Variants in DNAJC10 observed in about 807,000 individuals in gnomAD.
DNAJC10 encodes the protein endoplasmic reticulum disulfide reductase DNAJC10.
A neutral mutation model predicts 115.0 loss-of-function variants in DNAJC10; 101 were observed. The ratio of observed to expected loss-of-function variants is 0.88; its 90% CI spans 0.75 to 1.04. DNAJC10 has a LOEUF of 1.04. DNAJC10 is among the 50% of genes least tolerant of loss of function. DNAJC10 has a pLI of 0.00. For synonymous variants in DNAJC10, 307 were observed against 301.5 expected, an observed-to-expected ratio of 1.02 and a Z score of -0.19; for missense variants, 981 against 928.8, an observed-to-expected ratio of 1.06 and a Z score of -0.73.
chr2:182,735,101 T>G (rs1182587398), intron 10 of DNAJC10, among the ~76,000 whole-genome samples: 1 of 151,786 alleles, frequency 6.6e-6, no homozygotes, highest in Non-Finnish European at 1.5e-5. Context: ...TTATAGTCCT[T>G]TTTTCTTTCC....
intron 14 of DNAJC10, among the ~76,000 whole-genome samples, chr2:182,748,566 T>C (rs1226216958): frequency 5.9e-5 from 9 of 152,046 alleles, no homozygotes; most frequent in African/African-American, 1.2e-4. Context: ...TCTGTGGGAT[T>C]GGTGGTGATA....
chr2:182,723,921 G>C (rs191842060), intron 5 of DNAJC10, among the ~76,000 whole-genome samples: 3 of 152,276 alleles, frequency 2.0e-5, no homozygotes, highest in African/African-American at 7.2e-5. Flanking sequence ...TTGATGAGAG[G>C]AATGAGCAGG....
chr2:182,738,408 G>A (rs1267707212), intron 11 of DNAJC10, among the ~76,000 whole-genome samples: 3 of 152,072 alleles, frequency 2.0e-5, no homozygotes. Context: ...TATAATCTCT[G>A]GGCTTCATGA....
chr2:182,731,143 A>T, intron 9 of DNAJC10, 36 bp downstream of exon 9: 1 of 1,506,068 alleles, frequency 6.6e-7, no homozygotes, highest in South Asian at 1.2e-5. Flanking sequence ...GAATGAGAAC[A>T]TGACATTTAA....
chr2:182,758,724 A>G (rs1471968041), intron 19 of DNAJC10, 113 bp from the exon 20 acceptor site: 1 of 736,356 alleles, frequency 1.4e-6, no homozygotes, highest in Non-Finnish European at 2.3e-6. Flanking sequence ...GAGAGATACC[A>G]GATGAAATCA....
At chr2:182,767,374 C>G (rs1311498215) in intron 22 of DNAJC10, among the ~76,000 whole-genome samples, 1 of 151,486 alleles carries the variant, frequency 6.6e-6, no homozygotes, top group African/African-American at 2.4e-5. Context: ...GCTCCAGGAT[C>G]TACAGTGCAC....
In DNAJC10 at chr2:182,790,265, TTTATAC is replaced by T. The variant is rs1254873821; in HGVS notation, c.*13139_*13144del. 6.6e-6 allele frequency: 1 copy of T among 152,192 alleles called. No individual in the cohort carries two copies. Among genetic ancestry groups the T allele is most frequent in the Non-Finnish European group, 1.5e-5 (1 of 68,036 alleles). 9.4% of individuals were successfully genotyped at this position (152,192 alleles called of 1,614,324 possible). ...GTCTTCAAGAGCAGAAGAAATTTAT[TTTATAC>T]TTATAAACTTCAAGATTTGCTGAAG... On this transcript the variant is annotated 3_prime_UTR_variant, in exon 24 of 24. Transcript: ENST00000264065.
At position 182,729,346 on chromosome 2, in the gene DNAJC10, G is replaced by A. The variant is rs181622764; in HGVS notation, c.633+352G>A. ...GTATTTTTAGTAGAGACGGGGTTTC[G>A]CCATGTTGGCCAGGCTGGTCTTGAA... On this transcript the variant is annotated intron_variant, in intron 7 of 23. Coordinates refer to ENST00000264065, the MANE Select transcript of DNAJC10 (RefSeq NM_018981.4). Among the ~76,000 whole-genome samples the A allele has an allele frequency of 1.8e-3, 267 of 152,006 alleles. 2 individuals carry two copies. The highest frequency in any genetic ancestry group is 6.1e-3 in the African/African-American group (253 of 41,446).
rs1159058114 is a variant in DNAJC10, at chr2:182,794,290, CAAT to C, written c.*17160_*17162del. The C allele has an allele frequency of 1.3e-5, 2 of 152,118 alleles. No individual in the cohort carries two copies. Among genetic ancestry groups the C allele is most frequent in the East Asian group, 3.8e-4 (2 of 5,198 alleles). 9.4% of individuals were successfully genotyped at this position (152,118 alleles called of 1,614,324 possible). On this transcript the variant is annotated 3_prime_UTR_variant, in exon 24 of 24. Coordinates refer to ENST00000264065, the MANE Select transcript of DNAJC10 (RefSeq NM_018981.4). The stretch of plus-strand genomic sequence containing the variant: ...CAGAAAAATTTGAGTACATAGGAAA[CAAT>C]AGATGAAGGATAGAAATAATCCATT...
At chr2:182,721,681 A>G (rs936064350) in intron 4 of DNAJC10, among the ~76,000 whole-genome samples, 1 of 152,120 alleles carries the variant, frequency 6.6e-6, no homozygotes, top group Non-Finnish European at 1.5e-5. Context: ...GAAGGTGAGT[A>G]AAAAGTATAC....
intron 11 of DNAJC10, 88 bp from the exon 12 acceptor site, chr2:182,740,211 A>G (rs763790503): frequency 1.7e-6 from 2 of 1,191,640 alleles, no homozygotes; most frequent in Non-Finnish European, 2.2e-6. Flanking sequence ...TTTCCTAAAA[A>G]TACTACATTG....
intron 10 of DNAJC10, 188 bp downstream of exon 10, chr2:182,732,730 A>G: frequency 1.7e-6 from 1 of 573,760 alleles, no homozygotes; most frequent in Non-Finnish European, 3.0e-6. Context: ...ATAAATTTTA[A>G]CGTGGTATCA....
chr2:182,762,902 A>G, intron 22 of DNAJC10, 101 bp downstream of exon 22: 2 of 1,275,438 alleles, frequency 1.6e-6, no homozygotes, highest in Non-Finnish European at 2.1e-6. Flanking sequence ...CATCCTTGTC[A>G]TTTTTTTATA....
intron 23 of DNAJC10, among the ~76,000 whole-genome samples, chr2:182,776,566 T>A (rs1279448143): frequency 6.6e-6 from 1 of 152,210 alleles, no homozygotes; most frequent in Non-Finnish European, 1.5e-5. Context: ...TAGAGAAGAC[T>A]GGCTTTATAG....
At chr2:182,747,296 C>A (rs944513773) in intron 14 of DNAJC10, among the ~76,000 whole-genome samples, 12 of 152,090 alleles carry the variant, frequency 7.9e-5, no homozygotes, top group African/African-American at 2.9e-4. Flanking sequence ...ATGGGGATGG[C>A]ATTGAATCTG....
At chr2:182,734,290 T>G (rs1036191720) in intron 10 of DNAJC10, among the ~76,000 whole-genome samples, 24 of 151,512 alleles carry the variant, frequency 1.6e-4, no homozygotes, top group African/African-American at 5.8e-4. Context: ...ATATATATAG[T>G]ATTTTGATTA....
intron 11 of DNAJC10, among the ~76,000 whole-genome samples, chr2:182,738,665 C>T (rs903759966): frequency 2.0e-5 from 3 of 151,944 alleles, no homozygotes; most frequent in Admixed American, 6.6e-5. Flanking sequence ...CTCAGCCTCC[C>T]GAGTAGCTGG....
At chr2:182,754,108 A>G (rs1032256943) in intron 16 of DNAJC10, among the ~76,000 whole-genome samples, 1 of 152,224 alleles carries the variant, frequency 6.6e-6, no homozygotes, top group African/African-American at 2.4e-5. Flanking sequence ...GCAACTAAGT[A>G]TAATTGTTGT....
intron 22 of DNAJC10, among the ~76,000 whole-genome samples, chr2:182,773,581 T>A (rs1389017920): frequency 6.6e-6 from 1 of 152,232 alleles, no homozygotes; most frequent in Non-Finnish European, 1.5e-5. Context: ...ATTAATTTGA[T>A]CTTCAATCAC....
Sources: allele counts gnomAD v4.1 joint callset (sites outside exome capture counted in the v4.1 genomes callset), GRCh38; gene constraint gnomAD v4.1.1; transcripts MANE v1.5; gene names NCBI Gene and HGNC (gene_info 2026-07-23, HGNC 2026-07-21).